PSMA1: variants seen among roughly 807,000 people sequenced by gnomAD.
PSMA1 encodes proteasome 20S subunit alpha 1, also known as proteasome subunit alpha type-1.
A neutral mutation model predicts 38.4 loss-of-function variants in PSMA1; 3 were observed. The observed-to-expected ratio is 0.08, with a 90% CI of 0.04 to 0.20. The LOEUF (loss-of-function observed/expected upper bound fraction) is 0.20. Ranked by LOEUF, PSMA1 falls within the 10% of genes least tolerant of loss-of-function variation. PSMA1 has a pLI of 1.00. For missense variants in PSMA1, 227 were observed against 325.3 expected (o/e 0.70, Z 2.32); for synonymous variants, 101 against 107.1 (o/e 0.94, Z 0.35).
In PSMA1 at chr11:14,520,382, C is replaced by T. The variant is rs1286389961; in HGVS notation, c.-83G>A. On this transcript the variant is annotated 5_prime_UTR_variant, in exon 1 of 10. Coordinates refer to ENST00000396394, the MANE Select transcript of PSMA1 (RefSeq NM_002786.4). ...GCCGAAAGTATCGCTCAGCGATCTA[C>T]AGAGAAGTCTGCGGGAGTTTGACGG... 1.9e-6 allele frequency: 3 copies of T among 1,613,952 alleles called. No individual in the cohort carries two copies. The highest frequency in any genetic ancestry group is 2.7e-5 in the African/African-American group (2 of 75,070).
chr11:14,538,990 T>C (rs947337349), intron 2 of PSMA1, among the ~76,000 whole-genome samples: 40 of 152,244 alleles, frequency 2.6e-4, no homozygotes, highest in African/African-American at 9.6e-4. Flanking sequence ...TCTGAAGTCG[T>C]TGGGACAGAA....
chr11:14,576,847 T>C (rs536892992), intron 2 of PSMA1, among the ~76,000 whole-genome samples: 2 of 152,350 alleles, frequency 1.3e-5, no homozygotes, highest in African/African-American at 4.8e-5. Flanking sequence ...GGGGATGGCA[T>C]TGAATCTATA....
intron 2 of PSMA1, among the ~76,000 whole-genome samples, chr11:14,597,098 C>T (rs940680776): frequency 2.6e-5 from 4 of 152,176 alleles, no homozygotes; most frequent in African/African-American, 9.7e-5. Context: ...ATGAAGCCAA[C>T]TTGATCATGG....
intron 1 of PSMA1, among the ~76,000 whole-genome samples, chr11:14,637,643 T>C (rs1397501218): frequency 6.6e-6 from 1 of 152,158 alleles, no homozygotes; most frequent in Non-Finnish European, 1.5e-5. Flanking sequence ...TAAATCAACA[T>C]CTTTTCTGCA....
chr11:14,520,110 T>G (rs1047342047), intron 1 of PSMA1, 187 bp downstream of exon 1: 1 of 884,696 alleles, frequency 1.1e-6, no homozygotes, highest in Non-Finnish European at 1.8e-6. Context: ...AAGGCCGCAC[T>G]GGCTACCGAT....
chr11:14,537,266 TTCC>T (rs1201005629), intron 2 of PSMA1, among the ~76,000 whole-genome samples: 1 of 152,222 alleles, frequency 6.6e-6, no homozygotes, highest in African/African-American at 2.4e-5. Context: ...AAAACAATTC[TTCC>T]TCCCTGACCC....
At chr11:14,611,698 T>G (rs571625311) in intron 1 of PSMA1, among the ~76,000 whole-genome samples, 17 of 152,268 alleles carry the variant, frequency 1.1e-4, no homozygotes, top group African/African-American at 3.4e-4. Context: ...ATTGGGTTAA[T>G]CCTAATCTTT....
At chr11:14,566,225 C>T (rs886754049) in intron 2 of PSMA1, among the ~76,000 whole-genome samples, 2 of 152,166 alleles carry the variant, frequency 1.3e-5, no homozygotes, top group Admixed American at 6.5e-5. Flanking sequence ...AATAATCACT[C>T]TAGCTGCTAT....
At position 14,550,439 on chromosome 11, in the gene PSMA1, A is replaced by T. The variant is rs564738472; in HGVS notation, c.22-31398T>A. Among the ~76,000 whole-genome samples the T allele has an allele frequency of 2.7e-4, 41 of 152,304 alleles. No homozygotes were observed. The South Asian group carries it at 6.0e-3, about 22-fold the overall frequency. ...TCAGAAGCCCTAACATGTTACAGCAAATCTATTTATCTTGATAGATAAAGT... is the reference window on the plus strand; with the variant it reads ...TCAGAAGCCCTAACATGTTACAGCATATCTATTTATCTTGATAGATAAAGT... On this transcript the variant is annotated intron_variant, in intron 2 of 10. Coordinates refer to the PSMA1 transcript ENST00000418988.
Position 14,505,013 on chromosome 11 carries a change from T to A in PSMA1, c.*179A>T, listed in dbSNP as rs1330771954. 1 of 589,054 alleles carries A rather than the reference T, an allele frequency of 1.7e-6. No individual in the cohort carries two copies. Among genetic ancestry groups the A allele is most frequent in the Non-Finnish European group, 3.0e-6 (1 of 328,334 alleles). The allele number at this position is 589,054 out of a possible 1,614,324, so 36.5% of individuals were successfully genotyped here. A position where few individuals can be genotyped will look rare whatever the true frequency, so the allele number is the denominator to read the frequency against. On this transcript the variant is annotated 3_prime_UTR_variant, in exon 10 of 10. Transcript: ENST00000396394. ...ATACAGACCCTTTCAAAGAAAAATG[T>A]ATTCCATTATATAGGTTTCAGTGAG...
At chr11:14,594,164 ACTT>A (rs1370629875) in intron 2 of PSMA1, among the ~76,000 whole-genome samples, 7 of 152,312 alleles carry the variant, frequency 4.6e-5, no homozygotes, top group Middle Eastern at 3.4e-3. Flanking sequence ...TCTCATCTGG[ACTT>A]CTTCTTATGT....
At chr11:14,626,921 T>G (rs996128372) in intron 1 of PSMA1, among the ~76,000 whole-genome samples, 3 of 152,158 alleles carry the variant, frequency 2.0e-5, no homozygotes, top group African/African-American at 7.2e-5. Context: ...CAACAGAACT[T>G]TATTTGATCA....
rs144902031 is a variant in PSMA1, at chr11:14,557,152, C to T, written c.22-38111G>A. On this transcript the variant is annotated intron_variant, in intron 2 of 10. Transcript: ENST00000418988. Reference sequence around the variant, plus strand: ...ACCCTGCTCATTCTTTCTAGAACTCCTGATTCAGTTGTTGGATCACCTGAA... The same window carrying T: ...ACCCTGCTCATTCTTTCTAGAACTCTTGATTCAGTTGTTGGATCACCTGAA... 2.4e-3 allele frequency among the ~76,000 whole-genome samples: 359 copies of T among 152,306 alleles called. 2 individuals carry two copies. The highest frequency in any genetic ancestry group is 8.3e-3 in the African/African-American group (347 of 41,558).
At chr11:14,520,509 C>T (rs1368451003), upstream of PSMA1, 8 of 1,429,342 alleles carry the variant, frequency 5.6e-6, no homozygotes, top group Middle Eastern at 2.2e-4. Context: ...GGCGGAGCCT[C>T]GGAAGATCTA....
chr11:14,512,088 T>C (rs926421542), intron 7 of PSMA1, among the ~76,000 whole-genome samples: 1 of 152,188 alleles, frequency 6.6e-6, no homozygotes, highest in African/African-American at 2.4e-5. Flanking sequence ...AAGAATTAAA[T>C]ACCTGGTTGG....
At chr11:14,573,227 C>A (rs1019664473) in intron 2 of PSMA1, among the ~76,000 whole-genome samples, 8 of 152,176 alleles carry the variant, frequency 5.3e-5, no homozygotes, top group Admixed American at 4.6e-4. Flanking sequence ...AATTTTAGAT[C>A]AATATCCCTG....
chr11:14,600,384 G>A (rs982389963), intron 2 of PSMA1, among the ~76,000 whole-genome samples: 2 of 152,198 alleles, frequency 1.3e-5, no homozygotes, highest in Non-Finnish European at 2.9e-5. Context: ...GCCTTGTTAA[G>A]CTGTTGTGGG....
intron 1 of PSMA1, among the ~76,000 whole-genome samples, chr11:14,519,372 C>T (rs1372013839): frequency 6.6e-6 from 1 of 152,090 alleles, no homozygotes; most frequent in Non-Finnish European, 1.5e-5. Flanking sequence ...TTTATTGGGC[C>T]CTAATAAATG....
intron 7 of PSMA1, 135 bp downstream of exon 7, chr11:14,513,435 C>A: frequency 1.0e-6 from 1 of 1,002,720 alleles, no homozygotes; most frequent in Non-Finnish European, 1.3e-6. Context: ...ATAAACTCTT[C>A]ATGGGCATAA....
Sources: gnomAD v4.1 joint callset for allele counts (sites outside exome capture counted in the v4.1 genomes callset) on GRCh38, gnomAD v4.1.1 for gene constraint, MANE v1.5 for transcripts, NCBI Gene and HGNC (gene_info 2026-07-23, HGNC 2026-07-21) for gene names.